LYRM4: variants seen among roughly 807,000 people sequenced by gnomAD.
LYRM4 encodes the protein LYR motif containing 4.
A neutral mutation model predicts 11.7 loss-of-function variants in LYRM4; 9 were observed. The ratio of observed to expected loss-of-function variants is 0.77; its 90% confidence interval spans 0.46 to 1.34. The LOEUF (loss-of-function observed/expected upper bound fraction) is 1.34, where lower values mean the gene tolerates loss of function less well. Among genes scored for constraint, LYRM4 ranks in the 40% most tolerant of loss-of-function variants. The pLI is 0.00. For missense variants in LYRM4, 133 were observed against 112.5 expected (o/e 1.18, Z -0.82); for synonymous variants, 42 against 40.4 (o/e 1.04, Z -0.15).
At chr6:5,227,771 G>A (rs973127687) in intron 1 of LYRM4, among the ~76,000 whole-genome samples, 4 of 152,078 alleles carry the variant, frequency 2.6e-5, no homozygotes, top group Non-Finnish European at 5.9e-5. Flanking sequence ...AAGAAAATGT[G>A]GCACATTTAC....
rs434706 is a variant in LYRM4 at position 5,109,711 on chromosome 6, C to T, written c.208-220G>A. Among the ~76,000 whole-genome samples, 142,796 of 152,226 alleles carry T rather than the reference C, an allele frequency of 0.94. 67,106 individuals carry two copies. The highest frequency in any genetic ancestry group is 0.99 in the African/African-American group (40,936 of 41,546). Reference sequence around the variant, plus strand: ...TACAGAGATCCACACACCCATTCCTCCCCTCTGAAACAGCACAGGAGGCTG... The same window carrying T: ...TACAGAGATCCACACACCCATTCCTTCCCTCTGAAACAGCACAGGAGGCTG... On this transcript the variant is annotated intron_variant, in intron 2 of 2. Transcript: ENST00000330636.
chr6:5,071,636 A>ATG, the LYRM4 span, among the ~76,000 whole-genome samples: 5 of 150,760 alleles, frequency 3.3e-5, no homozygotes, highest in Admixed American at 6.6e-5. Flanking sequence ...ATATATGTGT[A>ATG]TGTGTGTGTG....
chr6:5,159,180 G>C (rs951771853), intron 2 of LYRM4, among the ~76,000 whole-genome samples: 1 of 152,264 alleles, frequency 6.6e-6, no homozygotes, highest in Non-Finnish European at 1.5e-5. Flanking sequence ...AGGCAGGTAG[G>C]ATGGTCCCCA....
intron 1 of LYRM4, among the ~76,000 whole-genome samples, chr6:5,244,892 T>C (rs970082448): frequency 1.3e-5 from 2 of 151,012 alleles, no homozygotes; most frequent in African/African-American, 2.4e-5. Context: ...GAGAAGCGGA[T>C]GGCATCTGAG....
At chr6:5,099,181 T>C (rs374733), downstream of LYRM4, among the ~76,000 whole-genome samples, 99,739 of 151,334 alleles carry the variant, frequency 0.66, 33,240 homozygotes, top group East Asian at 0.8. This position sits in a 1 kb window ranked among gnomAD's most constrained non-coding sequence, Gnocchi z 4.3. Context: ...TTTGAAGGGG[T>C]TAGTTGAAGG....
At chr6:5,113,735 CT>C (rs10708540) in intron 2 of LYRM4, among the ~76,000 whole-genome samples, 31,542 of 147,622 alleles carry the variant, frequency 0.21, 3,553 homozygotes, top group African/African-American at 0.26. Context: ...TTCTCTCTCT[CT>C]TTTTTTTTTT....
the LYRM4 span, among the ~76,000 whole-genome samples, chr6:5,090,377 G>A: frequency 1.5e-4 from 23 of 152,152 alleles, no homozygotes; most frequent in African/African-American, 5.1e-4. This position sits in a 1 kb window ranked among gnomAD's most constrained non-coding sequence, Gnocchi z 4.8. Flanking sequence ...GGAAGCTTCC[G>A]GTTTATGAAG....
chr6:5,076,287 TTTTG>T, the LYRM4 span, among the ~76,000 whole-genome samples: 1 of 152,156 alleles, frequency 6.6e-6, no homozygotes, highest in South Asian at 2.1e-4. Flanking sequence ...TTTGTTGGTT[TTTTG>T]TTTGTTTCCC....
intron 2 of LYRM4, among the ~76,000 whole-genome samples, chr6:5,178,724 G>A (rs1229614353): frequency 2.3e-5 from 3 of 132,992 alleles, no homozygotes; most frequent in Non-Finnish European, 3.1e-5. Context: ...AGAATCGCTT[G>A]AACCCGGGAG....
chr6:5,035,564 C>T, the LYRM4 span, among the ~76,000 whole-genome samples: 13 of 502 alleles, frequency 0.026, 5 homozygotes, highest in Non-Finnish European at 0.073. Context: ...TCCTTCCCCT[C>T]CCCTCCCCTC....
At chr6:5,056,488 C>T in the LYRM4 span, among the ~76,000 whole-genome samples, 625 of 152,272 alleles carry the variant, frequency 4.1e-3, 15 homozygotes, top group Admixed American at 0.035. Flanking sequence ...GCACTTTAAG[C>T]GGATCTTTTA....
intron 2 of LYRM4, among the ~76,000 whole-genome samples, chr6:5,154,021 T>G (rs183601320): frequency 1.0e-3 from 156 of 152,292 alleles, no homozygotes; most frequent in African/African-American, 3.6e-3. Context: ...TGCTAAATGT[T>G]ATCATAAAAG....
At chr6:5,196,724 G>A (rs1250571296) in intron 2 of LYRM4, among the ~76,000 whole-genome samples, 1 of 152,168 alleles carries the variant, frequency 6.6e-6, no homozygotes, top group East Asian at 1.9e-4. Context: ...CCATTGGAAT[G>A]ATTTGGTTCT....
At chr6:5,245,419 G>A (rs1315903596) in intron 1 of LYRM4, among the ~76,000 whole-genome samples, 1 of 151,870 alleles carries the variant, frequency 6.6e-6, no homozygotes, top group African/African-American at 2.4e-5. Context: ...GCAGTGTTCT[G>A]TCACTGTGGA....
intron 1 of LYRM4, among the ~76,000 whole-genome samples, chr6:5,223,571 A>T (rs1162774829): frequency 2.0e-5 from 3 of 152,194 alleles, no homozygotes; most frequent in Non-Finnish European, 4.4e-5. Context: ...CAGGCATTAA[A>T]AAAAATTGTC....
intron 2 of LYRM4, among the ~76,000 whole-genome samples, chr6:5,195,911 G>GA (rs1205494020): frequency 6.6e-6 from 1 of 152,102 alleles, no homozygotes; most frequent in Non-Finnish European, 1.5e-5. Context: ...TGATTTCTTA[G>GA]AAAAAAACTT....
the LYRM4 span, among the ~76,000 whole-genome samples, chr6:5,038,659 G>A: frequency 0.017 from 1,087 of 62,870 alleles, 359 homozygotes; most frequent in African/African-American, 0.043. Context: ...CGAGGCTGGC[G>A]GATCACTGGC....
intron 2 of LYRM4, among the ~76,000 whole-genome samples, chr6:5,213,363 C>T (rs536740074): frequency 1.3e-5 from 2 of 152,270 alleles, no homozygotes; most frequent in South Asian, 2.1e-4. Context: ...AGCTGACTCA[C>T]GTGACTGAAG....
At chr6:5,131,182 A>G (rs1763936116) in intron 2 of LYRM4, among the ~76,000 whole-genome samples, 2 of 152,238 alleles carry the variant, frequency 1.3e-5, no homozygotes, top group South Asian at 4.1e-4. Flanking sequence ...ATAATGAGCA[A>G]CATTTACAGA....
Sources: gnomAD v4.1 joint callset for allele counts (sites outside exome capture counted in the v4.1 genomes callset) on GRCh38, gnomAD v4.1.1 for gene constraint, Gnocchi (gnomAD v3.1) non-coding constraint, MANE v1.5 for transcripts, NCBI Gene and HGNC (gene_info 2026-07-23, HGNC 2026-07-21) for gene names.